Variants in CDYL observed in about 807,000 individuals in gnomAD.
CDYL encodes chromodomain Y like.
In CDYL, 8 loss-of-function variants were observed where a neutral mutation model predicts 47.3. The ratio of observed to expected loss-of-function variants is 0.17; its 90% confidence interval spans 0.10 to 0.31. The LOEUF (loss-of-function observed/expected upper bound fraction) is 0.31, where lower values mean the gene tolerates loss of function less well. Ranked by LOEUF, CDYL falls within the 10% of genes least tolerant of loss-of-function variation. The probability of loss-of-function intolerance (pLI) is 1.00; values close to 1 mark genes in which losing one functional copy is unlikely to be tolerated. For synonymous variants in CDYL, 266 were observed against 265.0 expected, an observed-to-expected ratio of 1.00 and a Z score of -0.04; for missense variants, 471 against 701.4, an observed-to-expected ratio of 0.67 and a Z score of 3.71.
chr6:4,939,004 A>C (rs1340573699), intron 4 of CDYL, among the ~76,000 whole-genome samples: 2 of 152,058 alleles, frequency 1.3e-5, no homozygotes, highest in African/African-American at 2.4e-5. Flanking sequence ...ATGCTTCTCT[A>C]CTCACCTCCC....
chr6:4,776,778 C>T lies in CDYL; in HGVS notation c.-6C>T. ...GCCCCTCCCGCCCGCAACTCCGCCG[C>T]CCACCATGGCTTCCGAGGAGCTGTA... On this transcript the variant is annotated 5_prime_UTR_variant, in exon 1 of 7. Transcript: ENST00000397588. The T allele has an allele frequency of 8.2e-7, 1 of 1,212,494 alleles. No individual in the cohort carries two copies. The highest frequency in any genetic ancestry group is 1.6e-5 in the South Asian group (1 of 63,820). 75.1% of individuals were successfully genotyped at this position (1,212,494 alleles called of 1,614,324 possible).
chr6:4,910,990 C>A (rs561290072), intron 2 of CDYL, among the ~76,000 whole-genome samples: 13 of 152,136 alleles, frequency 8.5e-5, no homozygotes, highest in African/African-American at 3.1e-4. Context: ...CCTGCCACCA[C>A]GCCCGGCTAA....
rs747767878 is a variant in CDYL at position 4,935,486 on chromosome 6, A to G, written c.692-29A>G. 4 of 1,606,766 alleles carry G rather than the reference A, an allele frequency of 2.5e-6. No individual in the cohort carries two copies. The Admixed American group carries it at 5.0e-5, about 20-fold the overall frequency. On this transcript the variant is annotated intron_variant, in intron 2 of 6. Transcript: ENST00000397588. ...GAGTGAACTGGTGGTGGGACATCAC[A>G]GACTACTGTGATTTCAAACTCTCGG...
At chr6:4,925,883 G>A (rs1258643292) in intron 2 of CDYL, among the ~76,000 whole-genome samples, 2 of 152,184 alleles carry the variant, frequency 1.3e-5, no homozygotes, top group Admixed American at 6.5e-5. Flanking sequence ...CCCGGCAGGA[G>A]CTATTCTTAG....
In CDYL at chr6:4,895,403, A is replaced by ATATGTG. The variant is rs1491402758; in HGVS notation, c.691+3024_691+3025insTATGTG. Among the ~76,000 whole-genome samples the ATATGTG allele has an allele frequency of 8.5e-4, 2 of 2,358 alleles. 1 individual carries two copies. Among genetic ancestry groups the ATATGTG allele is most frequent in the African/African-American group, 8.6e-4 (2 of 2,326 alleles). 1.5% of individuals were successfully genotyped at this position (2,358 alleles called of 152,430 possible). On this transcript the variant is annotated intron_variant, in intron 2 of 6. Transcript: ENST00000397588. Reference sequence around the variant, plus strand: ...TATATATGTGCATATATGCATGTATACATGTATACGTATATATGCATGTAT... The same window carrying ATATGTG: ...TATATATGTGCATATATGCATGTATATATGTGCATGTATACGTATATATGCATGTAT...
Position 4,954,130 on chromosome 6 carries a change from C to G in CDYL, c.*74C>G. 3.4e-6 allele frequency: 5 copies of G among 1,489,280 alleles called. No individual in the cohort carries two copies. Among genetic ancestry groups the G allele is most frequent in the Non-Finnish European group, 4.6e-6 (5 of 1,098,152 alleles). The allele number at this position is 1,489,280 out of a possible 1,614,324, so 92.3% of individuals were successfully genotyped here. A position where few individuals can be genotyped will look rare whatever the true frequency, so the allele number is the denominator to read the frequency against. On this transcript the variant is annotated 3_prime_UTR_variant, in exon 7 of 7. Transcript: ENST00000397588. ...CATCACCGGCTCCAGTTCCCCTGAT[C>G]CATTCTCACAGCCTGAAACAAGCTC...
chr6:4,779,437 TG>T (rs1758552735), intron 1 of CDYL, among the ~76,000 whole-genome samples: 1 of 152,204 alleles, frequency 6.6e-6, no homozygotes, highest in African/African-American at 2.4e-5. Context: ...TGCTGAGCCT[TG>T]GTTTTCTCGC....
intron 3 of CDYL, among the ~76,000 whole-genome samples, chr6:4,756,845 C>T (rs1758083100): frequency 6.6e-6 from 1 of 152,088 alleles, no homozygotes; most frequent in Non-Finnish European, 1.5e-5. Context: ...TGTGTGAATT[C>T]AGTCAAGTTC....
chr6:4,736,377 GA>G (rs1473111181), intron 3 of CDYL, among the ~76,000 whole-genome samples: 15 of 152,308 alleles, frequency 9.8e-5, no homozygotes, highest in Admixed American at 4.6e-4. Flanking sequence ...ATAATTGGGG[GA>G]AATGCAACAT....
In CDYL at chr6:4,922,110, C is replaced by T. The variant is rs139079340; in HGVS notation, c.692-13405C>T. ...TTAGCACCCCTCACCTGCTCAGTGACCTTGGGCAGGCGAGGTGGTTAGGCA... is the reference window on the plus strand; with the variant it reads ...TTAGCACCCCTCACCTGCTCAGTGATCTTGGGCAGGCGAGGTGGTTAGGCA... On this transcript the variant is annotated intron_variant, in intron 2 of 6. Transcript: ENST00000397588. Among the ~76,000 whole-genome samples the T allele has an allele frequency of 4.1e-3, 624 of 152,270 alleles. 4 individuals are homozygous for T. The highest frequency in any genetic ancestry group is 0.014 in the African/African-American group (599 of 41,554).
chr6:4,795,442 G>A (rs1759043813), intron 1 of CDYL, among the ~76,000 whole-genome samples: 1 of 151,932 alleles, frequency 6.6e-6, no homozygotes, highest in East Asian at 1.9e-4. Flanking sequence ...AGAATTTTTG[G>A]AAATTCTGTT....
chr6:4,849,539 A>AT (rs1237178444), intron 1 of CDYL, among the ~76,000 whole-genome samples: 2 of 152,014 alleles, frequency 1.3e-5, no homozygotes, highest in Non-Finnish European at 2.9e-5. Context: ...TTGCTAAGTT[A>AT]TTTGGGGGAA....
At chr6:4,726,861 G>T (rs1258733266) in intron 2 of CDYL, among the ~76,000 whole-genome samples, 2 of 152,210 alleles carry the variant, frequency 1.3e-5, no homozygotes, top group East Asian at 3.9e-4. Context: ...TGGAAAACAA[G>T]TTAGTCTGAG....
At chr6:4,782,707 C>A (rs1403081902) in intron 1 of CDYL, among the ~76,000 whole-genome samples, 1 of 152,126 alleles carries the variant, frequency 6.6e-6, no homozygotes, top group Non-Finnish European at 1.5e-5. Context: ...GAATCAAGAG[C>A]TTTCATCTGA....
chr6:4,936,891 C>T lies in CDYL; in HGVS notation c.949-674C>T, dbSNP rs111632257. 2.8e-3 allele frequency among the ~76,000 whole-genome samples: 421 copies of T among 152,244 alleles called. 2 individuals are homozygous for T. Among genetic ancestry groups the T allele is most frequent in the African/African-American group, 7.5e-3 (311 of 41,548 alleles). On this transcript the variant is annotated intron_variant, in intron 3 of 6. Transcript: ENST00000397588. Reference sequence around the variant, plus strand: ...TAAATACTAAGATAACGTAGATTCCCATGTCTTTTTAATTATACTCGAGTT... The same window carrying T: ...TAAATACTAAGATAACGTAGATTCCTATGTCTTTTTAATTATACTCGAGTT...
intron 3 of CDYL, among the ~76,000 whole-genome samples, chr6:4,768,190 T>C (rs1758285174): frequency 6.6e-6 from 1 of 152,232 alleles, no homozygotes; most frequent in African/African-American, 2.4e-5. Flanking sequence ...CTTCACCTAA[T>C]TCATCCTTTA....
At chr6:4,821,038 A>T (rs1266234913) in intron 1 of CDYL, among the ~76,000 whole-genome samples, 1 of 152,020 alleles carries the variant, frequency 6.6e-6, no homozygotes. Flanking sequence ...CTGGCTTTTG[A>T]TTGTATTCAT....
chr6:4,890,391 G>A (rs567364519), intron 1 of CDYL, among the ~76,000 whole-genome samples: 24 of 152,292 alleles, frequency 1.6e-4, no homozygotes, highest in African/African-American at 5.5e-4. Flanking sequence ...GTGACCTGAC[G>A]TTAATTCTGA....
At chr6:4,833,454 C>G (rs1561659787) in intron 1 of CDYL, among the ~76,000 whole-genome samples, 1 of 151,826 alleles carries the variant, frequency 6.6e-6, no homozygotes, top group Non-Finnish European at 1.5e-5. Context: ...GTTACAATTT[C>G]TGTTCTTTTA....
Sources: gnomAD v4.1 joint callset for allele counts (sites outside exome capture counted in the v4.1 genomes callset) on GRCh38, gnomAD v4.1.1 for gene constraint, MANE v1.5 for transcripts, NCBI Gene and HGNC (gene_info 2026-07-23, HGNC 2026-07-21) for gene names.